SAMMSON: variants seen among roughly 807,000 people sequenced by gnomAD.
SAMMSON encodes the protein long intergenic non-protein coding RNA 1212.
At chr3:70,326,000 C>T (rs933123095) in intron 7 of SAMMSON, among the ~76,000 whole-genome samples, 1 of 152,144 alleles carries the variant, frequency 6.6e-6, no homozygotes, top group African/African-American at 2.4e-5. Flanking sequence ...CTCTTTGTTT[C>T]CTAGAACCGC....
chr3:70,081,906 A>C (rs2106641517), intron 4 of SAMMSON, among the ~76,000 whole-genome samples: 1 of 152,356 alleles, frequency 6.6e-6, no homozygotes, highest in South Asian at 2.1e-4. Context: ...CCAAGTCATG[A>C]GGAGAAAGAT....
chr3:70,038,486 T>A (rs141558191), intron 3 of SAMMSON, among the ~76,000 whole-genome samples: 1 of 152,080 alleles, frequency 6.6e-6, no homozygotes, highest in Admixed American at 6.6e-5. Context: ...CACATAAACA[T>A]CTTTTCTTTA....
At chr3:70,418,974 C>CTTTCCT (rs369620361) in intron 2 of SAMMSON, among the ~76,000 whole-genome samples, 882 of 77,858 alleles carry the variant, frequency 0.011, 6 homozygotes, top group Non-Finnish European at 0.016. Context: ...CCTTTCCTTC[C>CTTTCCT]TTCCTTCTCT....
At chr3:70,159,465 C>A (rs1257313565) in intron 4 of SAMMSON, 2 of 151,966 alleles carry the variant, frequency 1.3e-5, no homozygotes, top group African/African-American at 4.8e-5. Context: ...TTTTGAGAAA[C>A]TTCTAAACTA....
At chr3:70,167,158 T>C (rs901864877) in intron 4 of SAMMSON, among the ~76,000 whole-genome samples, 3 of 152,070 alleles carry the variant, frequency 2.0e-5, no homozygotes, top group Non-Finnish European at 4.4e-5. Flanking sequence ...CAATGTGTAC[T>C]GTACACGTTA....
intron 4 of SAMMSON, among the ~76,000 whole-genome samples, chr3:70,111,802 G>C (rs150898128): frequency 1.8e-4 from 27 of 152,230 alleles, no homozygotes; most frequent in African/African-American, 5.5e-4. Flanking sequence ...TCAATGGATA[G>C]GTCAAATAGC....
chr3:70,028,110 T>TTCCTTCCC (rs1474380015), intron 3 of SAMMSON, among the ~76,000 whole-genome samples: 1 of 145,396 alleles, frequency 6.9e-6, no homozygotes, highest in African/African-American at 2.7e-5. Flanking sequence ...CCTTCCTTCC[T>TTCCTTCCC]TCCCTTCCTT....
chr3:70,307,012 GAGAT>G (rs1245986570), intron 7 of SAMMSON, among the ~76,000 whole-genome samples: 2 of 152,226 alleles, frequency 1.3e-5, no homozygotes, highest in Admixed American at 6.5e-5. Context: ...GACAAATAGA[GAGAT>G]AGAGAGAAAA....
chr3:70,007,101 T>C (rs2066930771), intron 1 of SAMMSON, among the ~76,000 whole-genome samples: 1 of 152,156 alleles, frequency 6.6e-6, no homozygotes, highest in Non-Finnish European at 1.5e-5. Flanking sequence ...AGTGCCACAA[T>C]AAACATATGT....
At chr3:70,263,072 T>G (rs1701882270) in intron 6 of SAMMSON, among the ~76,000 whole-genome samples, 1 of 152,224 alleles carries the variant, frequency 6.6e-6, no homozygotes, top group African/African-American at 2.4e-5. Flanking sequence ...TCTTTATGTT[T>G]GTCTTTCCTC....
At chr3:70,145,619 C>A (rs1190100906) in intron 4 of SAMMSON, among the ~76,000 whole-genome samples, 1 of 151,650 alleles carries the variant, frequency 6.6e-6, no homozygotes, top group Non-Finnish European at 1.5e-5. Flanking sequence ...AAGAGGAAAT[C>A]TCAGGGAATT....
At chr3:70,235,528 C>T (rs542487470) in intron 4 of SAMMSON, among the ~76,000 whole-genome samples, 2 of 152,308 alleles carry the variant, frequency 1.3e-5, no homozygotes, top group East Asian at 3.9e-4. Context: ...ATCACCAAAT[C>T]AATGATCTGT....
chr3:70,307,322 T>C (rs1427433814), intron 7 of SAMMSON, among the ~76,000 whole-genome samples: 3 of 152,112 alleles, frequency 2.0e-5, no homozygotes, highest in Non-Finnish European at 4.4e-5. Flanking sequence ...TCGTGTGCAC[T>C]TCAAACGCTG....
intron 6 of SAMMSON, among the ~76,000 whole-genome samples, chr3:70,268,050 C>A (rs954951148): frequency 6.6e-6 from 1 of 150,422 alleles, no homozygotes; most frequent in African/African-American, 2.5e-5. Context: ...TCCTCCTCCT[C>A]CTTCTTCTCC....
intron 4 of SAMMSON, among the ~76,000 whole-genome samples, chr3:70,156,971 A>G (rs1047303586): frequency 6.6e-6 from 1 of 152,086 alleles, no homozygotes; most frequent in African/African-American, 2.4e-5. Flanking sequence ...TAGATATTTA[A>G]CACACCTAAA....
chr3:70,427,005 A>G (rs969938664), intron 2 of SAMMSON, among the ~76,000 whole-genome samples: 2 of 152,210 alleles, frequency 1.3e-5, no homozygotes, highest in African/African-American at 4.8e-5. Flanking sequence ...GGCATATACA[A>G]TAAAGATATT....
In SAMMSON at chr3:70,200,134, C is replaced by A. The variant is rs528229698; in HGVS notation, n.508-48973C>A. Among the ~76,000 whole-genome samples, 588 of 152,290 alleles carry A rather than the reference C, an allele frequency of 3.9e-3. 2 individuals are homozygous for A. The highest frequency in any genetic ancestry group is 0.013 in the African/African-American group (530 of 41,576). On this transcript the variant is annotated intron_variant and non_coding_transcript_variant, in intron 4 of 9. Transcript: ENST00000642114. The stretch of plus-strand genomic sequence containing the variant: ...CAAATTCGTATTCGAAATCCACAAG[C>A]TGCTCACCACCTGCAGGGCCACCAT...
intron 6 of SAMMSON, among the ~76,000 whole-genome samples, chr3:70,274,921 T>C (rs1702008222): frequency 6.6e-6 from 1 of 152,176 alleles, no homozygotes; most frequent in African/African-American, 2.4e-5. Context: ...TTTATTAGTT[T>C]GGCAAAATGA....
chr3:70,179,099 G>A (rs1046634861), intron 4 of SAMMSON, among the ~76,000 whole-genome samples: 3 of 152,126 alleles, frequency 2.0e-5, no homozygotes, highest in African/African-American at 7.2e-5. Context: ...TCATGAGAGA[G>A]GCAAGATAAT....
Sources: allele counts gnomAD v4.1 joint callset (sites outside exome capture counted in the v4.1 genomes callset), GRCh38; gene constraint gnomAD v4.1.1; transcripts MANE v1.5; gene names NCBI Gene and HGNC (gene_info 2026-07-23, HGNC 2026-07-21).